ZFAT: variants seen among roughly 807,000 people sequenced by gnomAD.
The protein encoded by ZFAT is zinc finger protein ZFAT.
ZFAT carries 64 observed loss-of-function variants against 117.7 expected under a neutral mutation model. That is an observed-to-expected ratio of 0.54 (90% CI 0.44 to 0.67). The LOEUF (loss-of-function observed/expected upper bound fraction) is 0.67, where lower values mean the gene tolerates loss of function less well. Among genes scored for constraint, ZFAT ranks in the 30% least tolerant of loss-of-function variants. ZFAT has a pLI of 0.00. For synonymous variants in ZFAT, 679 were observed against 615.0 expected (o/e 1.10, Z -1.54); for missense variants, 1,433 against 1,584.5 (o/e 0.90, Z 1.62).
chr8:134,637,766 T>G, intron 2 of ZFAT, 54 bp from the exon 3 acceptor site: 1 of 1,578,330 alleles, frequency 6.3e-7, no homozygotes, highest in Non-Finnish European at 8.6e-7. Flanking sequence ...CAGTGCAGGG[T>G]TCACAATCAC....
chr8:134,519,715 G>A (rs1178327158), intron 13 of ZFAT, among the ~76,000 whole-genome samples: 1 of 152,132 alleles, frequency 6.6e-6, no homozygotes, highest in Non-Finnish European at 1.5e-5. Flanking sequence ...GCCTCCACAT[G>A]CTGTTAAAGA....
intron 1 of ZFAT, among the ~76,000 whole-genome samples, chr8:134,662,322 A>G (rs768197118): frequency 6.6e-6 from 1 of 152,222 alleles, no homozygotes; most frequent in Non-Finnish European, 1.5e-5. Flanking sequence ...GGAGGAAACA[A>G]ACATTCAGCT....
chr8:134,756,603 A>G, the ZFAT span, among the ~76,000 whole-genome samples: 1 of 152,218 alleles, frequency 6.6e-6, no homozygotes, highest in Non-Finnish European at 1.5e-5. Context: ...TGCTGGGCAC[A>G]CTGCCTGCCG....
intron 7 of ZFAT, among the ~76,000 whole-genome samples, chr8:134,592,323 A>G (rs1372573234): frequency 6.6e-6 from 1 of 152,188 alleles, no homozygotes; most frequent in Non-Finnish European, 1.5e-5. Flanking sequence ...TTACATTACC[A>G]TATCCTATGA....
chr8:134,637,809 G>A (rs938889742), intron 2 of ZFAT, 97 bp from the exon 3 acceptor site: 101 of 1,481,924 alleles, frequency 6.8e-5, no homozygotes, highest in Non-Finnish European at 8.2e-5. Flanking sequence ...CAGGTTTCAC[G>A]TTTCATTAAA....
chr8:134,662,473 C>A (rs1300578625), intron 1 of ZFAT, among the ~76,000 whole-genome samples: 1 of 152,166 alleles, frequency 6.6e-6, no homozygotes, highest in African/African-American at 2.4e-5. Context: ...ATGAGGAAGA[C>A]ACTGGTAACC....
chr8:134,784,703 T>C, the ZFAT span: 2 of 152,196 alleles, frequency 1.3e-5, no homozygotes, highest in Non-Finnish European at 2.9e-5. Context: ...TAATCTGAAC[T>C]GTAACCTCTG....
chr8:134,513,229 G>A (rs1457292680), intron 13 of ZFAT, among the ~76,000 whole-genome samples: 3 of 142,368 alleles, frequency 2.1e-5, no homozygotes, highest in African/African-American at 5.3e-5. Context: ...ACAGAGTCTC[G>A]CTCTGTCACC....
At chr8:134,567,735 A>T (rs937005015) in intron 10 of ZFAT, among the ~76,000 whole-genome samples, 16 of 124,322 alleles carry the variant, frequency 1.3e-4, no homozygotes, top group African/African-American at 4.9e-4. Context: ...CCCCTTCTGT[A>T]TTTAGGCTCA....
chr8:134,679,529 C>A (rs1388864965), intron 1 of ZFAT, among the ~76,000 whole-genome samples: 1 of 152,166 alleles, frequency 6.6e-6, no homozygotes, highest in Non-Finnish European at 1.5e-5. Flanking sequence ...GACGGTGTGG[C>A]GATTCCTCAG....
intron 15 of ZFAT, among the ~76,000 whole-genome samples, chr8:134,505,468 A>C (rs1303087905): frequency 1.3e-5 from 2 of 152,166 alleles, no homozygotes; most frequent in Non-Finnish European, 2.9e-5. Flanking sequence ...GCAAAGAAGA[A>C]TGTGTAAATG....
the ZFAT span, among the ~76,000 whole-genome samples, chr8:134,768,000 C>T: frequency 2.0e-5 from 3 of 152,200 alleles, no homozygotes; most frequent in Admixed American, 6.5e-5. Flanking sequence ...AGATCTTACT[C>T]TCTCTTCTGT....
chr8:134,723,166 G>A, the ZFAT span: 2 of 152,236 alleles, frequency 1.3e-5, no homozygotes, highest in Admixed American at 6.5e-5. Context: ...AAACAGACGT[G>A]AACACTGCTC....
At chr8:134,781,552 A>G in the ZFAT span, among the ~76,000 whole-genome samples, 1 of 152,192 alleles carries the variant, frequency 6.6e-6, no homozygotes, top group Non-Finnish European at 1.5e-5. Flanking sequence ...TGGCAGCTAC[A>G]AATAACCAAG....
At chr8:134,584,073 G>T in intron 9 of ZFAT, 68 bp from the exon 10 acceptor site, 1 of 1,408,620 alleles carries the variant, frequency 7.1e-7, no homozygotes, top group Non-Finnish European at 9.7e-7. Context: ...TGAATCTGAA[G>T]GAATATATAT....
the ZFAT span, among the ~76,000 whole-genome samples, chr8:134,752,802 G>A: frequency 4.6e-5 from 7 of 151,796 alleles, no homozygotes; most frequent in Admixed American, 2.0e-4. Context: ...CATGTCTTCC[G>A]GTGTTTCTTC....
rs1349748617 is a variant in ZFAT at position 134,478,304 on chromosome 8, T to C, written c.*178A>G. 7.5e-6 allele frequency: 6 copies of C among 802,990 alleles called. No homozygotes were observed. Among genetic ancestry groups the C allele is most frequent in the Non-Finnish European group, 1.2e-5 (6 of 521,060 alleles). The allele number at this position is 802,990 out of a possible 1,614,324, so 49.7% of individuals were successfully genotyped here. A position where few individuals can be genotyped will look rare whatever the true frequency, so the allele number is the denominator to read the frequency against. ...GGTGAGGGTCCTGTGGTATTGCTGG[T>C]GATGCTGACTGCCTTGCCCACCCCA... On this transcript the variant is annotated 3_prime_UTR_variant, in exon 16 of 16. Coordinates refer to ENST00000377838, the MANE Select transcript of ZFAT (RefSeq NM_020863.4). This position sits in a 1 kb window ranked among gnomAD's most constrained non-coding sequence, Gnocchi z 5.2.
chr8:134,797,728 G>A, the ZFAT span: 2 of 151,352 alleles, frequency 1.3e-5, no homozygotes, highest in African/African-American at 2.4e-5. Flanking sequence ...AGAAAGTTAA[G>A]GCTAATATTA....
intron 1 of ZFAT, among the ~76,000 whole-genome samples, chr8:134,669,360 G>A (rs1370013627): frequency 2.0e-5 from 3 of 152,062 alleles, no homozygotes; most frequent in Admixed American, 6.5e-5. Context: ...CAGAAAAGTC[G>A]GGTTACCCAC....
Sources: gnomAD v4.1 joint callset for allele counts (sites outside exome capture counted in the v4.1 genomes callset) on GRCh38, gnomAD v4.1.1 for gene constraint, Gnocchi (gnomAD v3.1) non-coding constraint, MANE v1.5 for transcripts, NCBI Gene and HGNC (gene_info 2026-07-23, HGNC 2026-07-21) for gene names.